ERICH3: variants seen among roughly 807,000 people sequenced by gnomAD.
ERICH3 encodes the protein glutamate rich 3, also known as glutamate-rich protein 3.
A neutral mutation model predicts 131.1 loss-of-function variants in ERICH3; 126 were observed. The ratio of observed to expected loss-of-function variants is 0.96; its 90% CI spans 0.83 to 1.11. The LOEUF (loss-of-function observed/expected upper bound fraction) is 1.11. Among genes scored for constraint, ERICH3 ranks in the 50% most tolerant of loss-of-function variants. ERICH3 has a pLI of 0.00. For synonymous variants in ERICH3, 695 were observed against 644.6 expected, an observed-to-expected ratio of 1.08 and a Z score of -1.18; for missense variants, 2,050 against 1,810.7, an observed-to-expected ratio of 1.13 and a Z score of -2.40.
chr1:74,623,198 TA>T (rs1649288830), intron 7 of ERICH3: 1 of 152,242 alleles, frequency 6.6e-6, no homozygotes, highest in Admixed American at 6.5e-5. Flanking sequence ...CCTGCATAAC[TA>T]AAGCTCTTCT....
At chr1:74,621,890 G>T (rs912244655) in intron 7 of ERICH3, 1 of 152,114 alleles carries the variant, frequency 6.6e-6, no homozygotes, top group Non-Finnish European at 1.5e-5. Flanking sequence ...AAAATTGTAG[G>T]CCTCTAGAAT....
chr1:74,646,885 G>GACACAC (rs757095331), intron 2 of ERICH3, 93 bp from the exon 3 acceptor site: 18 of 293,680 alleles, frequency 6.1e-5, no homozygotes, highest in Non-Finnish European at 6.1e-5. Flanking sequence ...GGAGAAGACA[G>GACACAC]ACAGACACAC....
Position 74,589,983 on chromosome 1 carries a change from G to C in ERICH3, c.1824C>G (p.Asp608Glu). Residue 608 changes from aspartate to glutamate, a missense_variant, in exon 12 of 15, where the codon GAC (aspartate) becomes GAG (glutamate). Asp to Glu is a conservative substitution (Grantham distance 45). Transcript: ENST00000326665. ...TTCTGGCACTTTCATCTGTGCTGCT[G>C]TCAGTGTGGGCTTCCCTGTCCCCCA... ...SAVGDREAHT[D>E]SSTDESARRS... 1 of 1,613,992 alleles carries C rather than the reference G, an allele frequency of 6.2e-7. No individual in the cohort carries two copies. Among genetic ancestry groups the C allele is most frequent in the Non-Finnish European group, 8.5e-7 (1 of 1,179,926 alleles).
At chr1:74,649,390 C>G in intron 1 of ERICH3, 75 bp from the exon 2 acceptor site, 1 of 1,117,470 alleles carries the variant, frequency 8.9e-7, no homozygotes, top group Non-Finnish European at 1.3e-6. Flanking sequence ...TTACTGTTTC[C>G]CCAAATAGTG....
intron 13 of ERICH3, among the ~76,000 whole-genome samples, chr1:74,575,000 A>C (rs1349161712): frequency 1.3e-5 from 2 of 151,674 alleles, no homozygotes; most frequent in South Asian, 2.1e-4. Flanking sequence ...AAAAAAAAAA[A>C]AACTTATAAA....
intron 1 of ERICH3, among the ~76,000 whole-genome samples, chr1:74,660,242 A>G (rs1057335573): frequency 1.3e-5 from 2 of 152,088 alleles, no homozygotes; most frequent in African/African-American, 4.8e-5. Flanking sequence ...CTGAGACCTT[A>G]CCAGGAACCT....
chr1:74,596,524 C>T (rs954196836), intron 11 of ERICH3, among the ~76,000 whole-genome samples: 1 of 151,962 alleles, frequency 6.6e-6, no homozygotes, highest in Non-Finnish European at 1.5e-5. Context: ...ATATATATTA[C>T]ACTGTTATTC....
chr1:74,585,206 A>G (rs1647274013), intron 12 of ERICH3, among the ~76,000 whole-genome samples: 1 of 152,220 alleles, frequency 6.6e-6, no homozygotes, highest in South Asian at 2.1e-4. Context: ...GTCACAATGC[A>G]TGACAGCTTA....
At chr1:74,649,830 T>A (rs933953122) in intron 1 of ERICH3, among the ~76,000 whole-genome samples, 1 of 152,158 alleles carries the variant, frequency 6.6e-6, no homozygotes, top group Non-Finnish European at 1.5e-5. Flanking sequence ...AGATAATATC[T>A]GTGGTGTATA....
rs1322778087 is a variant in ERICH3, at chr1:74,620,763, C to G, written c.971G>C (p.Cys324Ser). The G allele has an allele frequency of 6.2e-7, 1 of 1,609,358 alleles. No individual in the cohort carries two copies. The highest frequency in any genetic ancestry group is 2.2e-5 in the East Asian group (1 of 44,736). ...YQQHCGGENL[C>S]VYKGKLLEKE... ...TTCAAGTAGTTTGCCTTTGTAGACA[C>G]AAAGGTTTTCCCCACCACAGTGCTG... The change falls in exon 8 of 15, where the codon TGT becomes TCT. Residue 324 changes from cysteine (C) to serine (S), a missense_variant. Physicochemically the swap from Cys to Ser is moderately radical, Grantham distance 112 (BLOSUM62 -1). Coordinates refer to ENST00000326665, the MANE Select transcript of ERICH3 (RefSeq NM_001002912.5).
At chr1:74,656,633 G>T (rs1646587557) in intron 1 of ERICH3, among the ~76,000 whole-genome samples, 1 of 152,136 alleles carries the variant, frequency 6.6e-6, no homozygotes, top group Non-Finnish European at 1.5e-5. Flanking sequence ...TCAGTTTACT[G>T]GTCTGGAAAT....
At chr1:74,639,344 A>C (rs777104735) in intron 5 of ERICH3, among the ~76,000 whole-genome samples, 1 of 152,212 alleles carries the variant, frequency 6.6e-6, no homozygotes, top group Non-Finnish European at 1.5e-5. Flanking sequence ...CTACATTTGC[A>C]TATAGATATC....
intron 10 of ERICH3, among the ~76,000 whole-genome samples, chr1:74,601,284 A>G (rs1269305549): frequency 6.6e-6 from 1 of 151,862 alleles, no homozygotes; most frequent in Non-Finnish European, 1.5e-5. Context: ...TGACCCTGTT[A>G]ACTATCAATC....
chr1:74,631,188 G>GT (rs1557691915), intron 7 of ERICH3, among the ~76,000 whole-genome samples: 3 of 152,008 alleles, frequency 2.0e-5, no homozygotes, highest in Non-Finnish European at 4.4e-5. Flanking sequence ...TTACTAGCTT[G>GT]TATGTGTATA....
At chr1:74,629,659 C>T (rs1319888341) in intron 7 of ERICH3, among the ~76,000 whole-genome samples, 4 of 152,138 alleles carry the variant, frequency 2.6e-5, no homozygotes, top group Admixed American at 2.0e-4. Flanking sequence ...ACTAGGACCT[C>T]GCCAGATACC....
intron 1 of ERICH3, among the ~76,000 whole-genome samples, chr1:74,665,577 T>G (rs897247390): frequency 6.6e-6 from 1 of 152,180 alleles, no homozygotes; most frequent in Non-Finnish European, 1.5e-5. Context: ...TTCTCATGGT[T>G]CTAGAAATCT....
At chr1:74,613,578 A>G (rs1397383564) in intron 8 of ERICH3, among the ~76,000 whole-genome samples, 3 of 152,254 alleles carry the variant, frequency 2.0e-5, no homozygotes, top group African/African-American at 4.8e-5. Context: ...ATTCTAAAAC[A>G]TACATGAATG....
At chr1:74,639,336 A>G (rs950251934) in intron 5 of ERICH3, among the ~76,000 whole-genome samples, 1 of 152,168 alleles carries the variant, frequency 6.6e-6, no homozygotes, top group Non-Finnish European at 1.5e-5. Flanking sequence ...TTACTTCCCT[A>G]CATTTGCATA....
At chr1:74,605,167 C>G (rs1194912516) in intron 10 of ERICH3, among the ~76,000 whole-genome samples, 1 of 151,984 alleles carries the variant, frequency 6.6e-6, no homozygotes, top group Non-Finnish European at 1.5e-5. Context: ...CCCTCACGAA[C>G]CAACCTCTGC....
Sources: allele counts gnomAD v4.1 joint callset (sites outside exome capture counted in the v4.1 genomes callset), GRCh38; gene constraint gnomAD v4.1.1; transcripts MANE v1.5; gene names NCBI Gene and HGNC (gene_info 2026-07-23, HGNC 2026-07-21).